The following FAM168A variants were observed in gnomAD, a reference collection of about 807,000 sequenced individuals.
The protein encoded by FAM168A is protein FAM168A.
In FAM168A, 3 loss-of-function variants were observed where a neutral mutation model predicts 28.5. That is an observed-to-expected ratio of 0.11 (90% confidence interval 0.05 to 0.27). The LOEUF is 0.27. FAM168A is among the 10% of genes least tolerant of loss of function. The pLI is 1.00. For synonymous variants in FAM168A, 122 were observed against 124.2 expected, an observed-to-expected ratio of 0.98 and a Z score of 0.12; for missense variants, 222 against 311.5, an observed-to-expected ratio of 0.71 and a Z score of 2.16.
chr11:73,506,051 C>T (rs995137807), intron 1 of FAM168A, among the ~76,000 whole-genome samples: 1 of 152,172 alleles, frequency 6.6e-6, no homozygotes, highest in African/African-American at 2.4e-5. Flanking sequence ...CTCTCACACG[C>T]ACTCTCTCTC....
chr11:73,421,069 CT>C (rs1176753478), intron 3 of FAM168A, among the ~76,000 whole-genome samples: 1 of 119,332 alleles, frequency 8.4e-6, no homozygotes, highest in African/African-American at 4.3e-5. Context: ...CAAATAAAGT[CT>C]TGGGGGGGGG....
At chr11:73,581,570 T>C (rs1183686240) in intron 1 of FAM168A, among the ~76,000 whole-genome samples, 1 of 152,230 alleles carries the variant, frequency 6.6e-6, no homozygotes, top group African/African-American at 2.4e-5. Context: ...TCTGACTCCA[T>C]GTCCAGAATT....
At chr11:73,498,392 C>A (rs1034000592) in intron 1 of FAM168A, among the ~76,000 whole-genome samples, 1 of 152,178 alleles carries the variant, frequency 6.6e-6, no homozygotes, top group Admixed American at 6.5e-5. Context: ...GCTTTTTCCA[C>A]TCAACTTTGC....
At chr11:73,550,391 T>G (rs1265582732) in intron 1 of FAM168A, among the ~76,000 whole-genome samples, 3 of 152,188 alleles carry the variant, frequency 2.0e-5, no homozygotes, top group Non-Finnish European at 4.4e-5. Flanking sequence ...TGGTGGCTCA[T>G]GCCTGTAATC....
At chr11:73,492,913 A>G (rs534518748) in intron 1 of FAM168A, among the ~76,000 whole-genome samples, 12 of 152,196 alleles carry the variant, frequency 7.9e-5, no homozygotes, top group Non-Finnish European at 1.6e-4. Flanking sequence ...ATTCTTGCAA[A>G]TGAATGCAGA....
chr11:73,412,874 C>A (rs1866637759), intron 4 of FAM168A, among the ~76,000 whole-genome samples: 2 of 152,156 alleles, frequency 1.3e-5, no homozygotes, highest in Admixed American at 6.5e-5. Flanking sequence ...CTGTTTCTAT[C>A]ATATAATAAG....
At chr11:73,441,359 G>A (rs1248880316) in intron 2 of FAM168A, among the ~76,000 whole-genome samples, 1 of 152,122 alleles carries the variant, frequency 6.6e-6, no homozygotes, top group Non-Finnish European at 1.5e-5. Context: ...ACCCAGTCTA[G>A]GCAGGCAAAA....
chr11:73,460,273 A>ATC (rs1867621392), intron 2 of FAM168A, among the ~76,000 whole-genome samples: 1 of 152,080 alleles, frequency 6.6e-6, no homozygotes, highest in African/African-American at 2.4e-5. Flanking sequence ...TCAGAGGGCT[A>ATC]CTCATTAGCA....
intron 1 of FAM168A, among the ~76,000 whole-genome samples, chr11:73,581,590 TA>T (rs1454763531): frequency 1.3e-5 from 2 of 152,134 alleles, no homozygotes; most frequent in African/African-American, 4.8e-5. Context: ...TGTCCACACA[TA>T]AGACCTAGTC....
chr11:73,577,254 T>G (rs1241321321), intron 1 of FAM168A, among the ~76,000 whole-genome samples: 1 of 152,232 alleles, frequency 6.6e-6, no homozygotes, highest in African/African-American at 2.4e-5. Context: ...CAGATATGCC[T>G]TATTAACAGG....
At chr11:73,505,930 G>A (rs1855108039) in intron 1 of FAM168A, among the ~76,000 whole-genome samples, 1 of 152,126 alleles carries the variant, frequency 6.6e-6, no homozygotes, top group African/African-American at 2.4e-5. Flanking sequence ...TTTCACATCA[G>A]CTTCTGCTAT....
At chr11:73,528,213 C>G (rs573898352) in intron 1 of FAM168A, among the ~76,000 whole-genome samples, 1 of 152,158 alleles carries the variant, frequency 6.6e-6, no homozygotes, top group Non-Finnish European at 1.5e-5. Context: ...CGAACCAGAG[C>G]GACTCCATTT....
intron 1 of FAM168A, among the ~76,000 whole-genome samples, chr11:73,522,810 T>C (rs1278092): frequency 0.69 from 104,918 of 151,446 alleles, 37,985 homozygotes; most frequent in African/African-American, 0.92. Context: ...GTCAGGAGTT[T>C]GTGACCAGAC....
intron 1 of FAM168A, among the ~76,000 whole-genome samples, chr11:73,563,279 C>T (rs964289990): frequency 4.6e-5 from 7 of 152,208 alleles, no homozygotes; most frequent in African/African-American, 1.7e-4. Flanking sequence ...ACAATTTCAG[C>T]TCTCCCGTTT....
intron 1 of FAM168A, among the ~76,000 whole-genome samples, chr11:73,489,344 A>G (rs903686182): frequency 2.6e-5 from 4 of 151,968 alleles, no homozygotes; most frequent in African/African-American, 9.7e-5. Flanking sequence ...ACCCACTCCA[A>G]TCAGATTTCC....
Position 73,515,105 on chromosome 11 carries a change from C to A in FAM168A, c.-18-46613G>T, listed in dbSNP as rs772742108. Among the ~76,000 whole-genome samples, 2 of 152,158 alleles carry A rather than the reference C, an allele frequency of 1.3e-5. 1 individual carries two copies. Among genetic ancestry groups the A allele is most frequent in the Non-Finnish European group, 2.9e-5 (2 of 68,028 alleles). ...GATAGAGGTGCCATAATTTGTTCTGCCCCAAAATAGCTCCCTCTGGCCCAT... is the reference window on the plus strand; with the variant it reads ...GATAGAGGTGCCATAATTTGTTCTGACCCAAAATAGCTCCCTCTGGCCCAT... On this transcript the variant is annotated intron_variant, in intron 1 of 7. Transcript: ENST00000356467.
Position 73,597,961 on chromosome 11 carries a change from C to A in FAM168A, c.-57G>T. 6.4e-6 allele frequency: 1 copy of A among 156,674 alleles called. No individual in the cohort carries two copies. The highest frequency in any genetic ancestry group is 1.4e-5 in the Non-Finnish European group (1 of 71,286). 9.7% of individuals were successfully genotyped at this position (156,674 alleles called of 1,614,324 possible). On this transcript the variant is annotated 5_prime_UTR_variant, in exon 1 of 8. Transcript: ENST00000356467. The stretch of plus-strand genomic sequence containing the variant: ...CAGGCGAAAACGGCGGCGGCGGCGG[C>A]TGAGGCGGCGATGCCCTTGTCTTCT...
At chr11:73,545,635 T>A (rs1362830810) in intron 1 of FAM168A, among the ~76,000 whole-genome samples, 5 of 151,812 alleles carry the variant, frequency 3.3e-5, no homozygotes, top group Non-Finnish European at 5.9e-5. Context: ...TAAAATATAA[T>A]CTTGGGCTTA....
At chr11:73,547,085 G>GAA (rs953416694) in intron 1 of FAM168A, among the ~76,000 whole-genome samples, 5 of 53,568 alleles carry the variant, frequency 9.3e-5, no homozygotes, top group Admixed American at 2.1e-4. Context: ...AGAAGTTCAA[G>GAA]AAAAAAAAAA....
Sources: gnomAD v4.1 joint callset for allele counts (sites outside exome capture counted in the v4.1 genomes callset) on GRCh38, gnomAD v4.1.1 for gene constraint, MANE v1.5 for transcripts, NCBI Gene and HGNC (gene_info 2026-07-23, HGNC 2026-07-21) for gene names.